Variants in ZMYM2 observed in about 807,000 individuals in gnomAD.
ZMYM2 encodes zinc finger MYM-type protein 2.
A neutral mutation model predicts 162.8 loss-of-function variants in ZMYM2; 56 were observed. That is an observed-to-expected ratio of 0.34 (90% CI 0.28 to 0.43). The LOEUF (loss-of-function observed/expected upper bound fraction) is 0.43. Among genes scored for constraint, ZMYM2 ranks in the 20% least tolerant of loss-of-function variants. The probability of loss-of-function intolerance (pLI) is 1.00; values close to 1 mark genes in which losing one functional copy is unlikely to be tolerated. For missense variants in ZMYM2, 1,275 were observed against 1,621.8 expected, an observed-to-expected ratio of 0.79 and a Z score of 3.67; for synonymous variants, 510 against 541.6, an observed-to-expected ratio of 0.94 and a Z score of 0.81.
intron 21 of ZMYM2, among the ~76,000 whole-genome samples, chr13:20,075,284 CT>C (rs993231834): frequency 3.3e-5 from 5 of 152,096 alleles, no homozygotes; most frequent in Non-Finnish European, 5.9e-5. Context: ...GAAACAGTAT[CT>C]TTTTTTGTAA....
At chr13:19,945,951 G>GAAAAAAAAAAAAAAAAAAAAAAAAAAA in the ZMYM2 span, among the ~76,000 whole-genome samples, 1 of 89,572 alleles carries the variant, frequency 1.1e-5, no homozygotes, top group African/African-American at 5.0e-5. Context: ...CTCCGTCTCA[G>GAAAAAAAAAAAAAAAAAAAAAAAAAAA]AAAAAAAAAA....
At chr13:20,034,748 GC>G (rs1246972440) in intron 11 of ZMYM2, among the ~76,000 whole-genome samples, 2 of 152,130 alleles carry the variant, frequency 1.3e-5, no homozygotes, top group Non-Finnish European at 2.9e-5. Flanking sequence ...TCCCTGCCCA[GC>G]TTACTACCTA....
At chr13:20,049,008 G>A (rs1004825199) in intron 12 of ZMYM2, among the ~76,000 whole-genome samples, 7 of 151,864 alleles carry the variant, frequency 4.6e-5, no homozygotes, top group Non-Finnish European at 1.0e-4. Context: ...TGTTGGTAAG[G>A]AATGATGGTC....
At chr13:19,891,226 A>G in the ZMYM2 span, among the ~76,000 whole-genome samples, 1 of 151,890 alleles carries the variant, frequency 6.6e-6, no homozygotes, top group Non-Finnish European at 1.5e-5. Flanking sequence ...GAGATATAAG[A>G]GAGCTTTCCC....
chr13:20,005,017 C>A, intron 4 of ZMYM2, 57 bp from the exon 5 acceptor site: 1 of 1,424,416 alleles, frequency 7.0e-7, no homozygotes, highest in Non-Finnish European at 9.6e-7. Flanking sequence ...TCACTTATGA[C>A]TCTTATATTT....
the ZMYM2 span, among the ~76,000 whole-genome samples, chr13:19,930,879 C>G: frequency 6.6e-6 from 1 of 151,364 alleles, no homozygotes; most frequent in Admixed American, 6.6e-5. Flanking sequence ...GTGGCTCATG[C>G]CTGTAATCCC....
chr13:19,980,752 CAAAAAA>C (rs914320015), intron 2 of ZMYM2, among the ~76,000 whole-genome samples: 45 of 31,222 alleles, frequency 1.4e-3, no homozygotes, highest in Admixed American at 2.4e-3. Flanking sequence ...GACTCCATCT[CAAAAAA>C]AAAAAAAAAA....
rs1956191411 is a variant in ZMYM2, at chr13:20,061,077, G to T, written c.2764G>T (p.Ala922Ser). 2 of 1,611,658 alleles carry T rather than the reference G, an allele frequency of 1.2e-6. No homozygotes were observed. The highest frequency in any genetic ancestry group is 1.3e-5 in the African/African-American group (1 of 74,910). The change falls in exon 17 of 25, where the codon GCT (alanine) becomes TCT (serine). Residue 922 changes from alanine to serine, a missense_variant. This residue lies in a region of ZMYM2 where 229 missense variants were observed against 283.8 expected (regional missense o/e 0.81). Transcript: ENST00000610343. ...VPVPVPVFLP[A>S]PLDSSEKIPA... is the part of the protein sequence containing the mutation. ...GGTGCCAGTTCCTGTTTTTCTGCCT[G>T]CTCCATTGGACAGCAGTGAGAAGAT...
chr13:20,075,470 C>G (rs1164005518), intron 21 of ZMYM2, among the ~76,000 whole-genome samples: 2 of 152,122 alleles, frequency 1.3e-5, no homozygotes, highest in South Asian at 2.1e-4. Context: ...AACTGACTTT[C>G]CTCCACTGAT....
chr13:20,026,317 C>T (rs1209237787), intron 7 of ZMYM2: 3 of 209,174 alleles, frequency 1.4e-5, no homozygotes, highest in East Asian at 1.0e-4. Flanking sequence ...TGTGCCTTTC[C>T]TAAATTTTTC....
intron 3 of ZMYM2, among the ~76,000 whole-genome samples, chr13:19,998,826 C>G (rs1245002702): frequency 2.6e-5 from 4 of 152,116 alleles, no homozygotes; most frequent in African/African-American, 9.7e-5. Context: ...TTCCCAAGCT[C>G]TGGTTGTATT....
intron 6 of ZMYM2, among the ~76,000 whole-genome samples, chr13:20,008,483 G>T (rs1392083245): frequency 6.6e-6 from 1 of 152,214 alleles, no homozygotes; most frequent in Non-Finnish European, 1.5e-5. Context: ...TTTATCATAG[G>T]TATGTGTCTA....
At chr13:19,961,621 G>A (rs1171821698) in intron 2 of ZMYM2, among the ~76,000 whole-genome samples, 1 of 152,124 alleles carries the variant, frequency 6.6e-6, no homozygotes, top group Admixed American at 6.5e-5. Context: ...ATAATTGGTT[G>A]TGTTTAGTAG....
At chr13:19,917,124 G>A in the ZMYM2 span, among the ~76,000 whole-genome samples, 6 of 151,950 alleles carry the variant, frequency 3.9e-5, no homozygotes, top group African/African-American at 1.4e-4. Flanking sequence ...CACGACGCCC[G>A]GCTAATTTTT....
chr13:19,992,970 A>T (rs1949743580), intron 2 of ZMYM2, 93 bp from the exon 3 acceptor site: 1 of 1,348,034 alleles, frequency 7.4e-7, no homozygotes, highest in African/African-American at 1.5e-5. Context: ...GAATAAAAAT[A>T]AAATAAAAGT....
intron 11 of ZMYM2, among the ~76,000 whole-genome samples, chr13:20,036,116 G>A (rs544978285): frequency 6.6e-6 from 1 of 152,192 alleles, no homozygotes; most frequent in South Asian, 2.1e-4. Flanking sequence ...CACAGTATAA[G>A]TATAGAGTAT....
chr13:19,922,768 C>T, the ZMYM2 span, among the ~76,000 whole-genome samples: 43 of 151,886 alleles, frequency 2.8e-4, no homozygotes, highest in Non-Finnish European at 5.9e-4. Flanking sequence ...GGCGAGAACC[C>T]GGGAGGCAGA....
At chr13:19,977,117 T>C (rs1186294093) in intron 2 of ZMYM2, among the ~76,000 whole-genome samples, 1 of 152,220 alleles carries the variant, frequency 6.6e-6, no homozygotes, top group African/African-American at 2.4e-5. Flanking sequence ...TATTTGCATA[T>C]ATTAGGTTTT....
At chr13:19,871,701 A>G in the ZMYM2 span, among the ~76,000 whole-genome samples, 1 of 152,228 alleles carries the variant, frequency 6.6e-6, no homozygotes, top group Non-Finnish European at 1.5e-5. Context: ...GCTCTAATTT[A>G]TACTAAATGT....
Sources: gnomAD v4.1 joint callset for allele counts (sites outside exome capture counted in the v4.1 genomes callset) on GRCh38, gnomAD v4.1.1 for gene constraint, gnomAD v4.1.1 regional missense constraint, MANE v1.5 for transcripts, NCBI Gene and HGNC (gene_info 2026-07-23, HGNC 2026-07-21) for gene names.